The following DIRAS1 variants were observed in gnomAD, a reference collection of about 807,000 sequenced individuals.
DIRAS1 encodes DIRAS family GTPase 1.
In DIRAS1, 3 loss-of-function variants were observed where a neutral mutation model predicts 11.5. The ratio of observed to expected loss-of-function variants is 0.26; its 90% CI spans 0.12 to 0.67. DIRAS1 has a LOEUF of 0.67. DIRAS1 is among the 30% of genes least tolerant of loss of function. The pLI is 0.80. For missense variants in DIRAS1, 212 were observed against 285.3 expected (o/e 0.74, Z 1.85); for synonymous variants, 128 against 125.8 (o/e 1.02, Z -0.12).
chr19:2,716,758 C>T lies in DIRAS1; in HGVS notation c.*452G>A, dbSNP rs372098188. On this transcript the variant is annotated 3_prime_UTR_variant, in exon 2 of 2. Coordinates refer to ENST00000323469, the MANE Select transcript of DIRAS1 (RefSeq NM_145173.4). The stretch of plus-strand genomic sequence containing the variant: ...GAAAAAAGAAAAAAATATCTGAGGC[C>T]GATGTGCATTTTCAACTCCCCCCTC... 988 of 172,424 alleles carry T rather than the reference C, an allele frequency of 5.7e-3. 12 individuals carry two copies. The highest frequency in any genetic ancestry group is 0.021 in the African/African-American group (874 of 42,070). 10.7% of individuals were successfully genotyped at this position (172,424 alleles called of 1,614,324 possible). A position where few individuals can be genotyped will look rare whatever the true frequency, so the allele number is the denominator to read the frequency against.
rs1913796619 is a variant in DIRAS1 at position 2,716,410 on chromosome 19, T to C, written c.*800A>G. 1.3e-5 allele frequency: 2 copies of C among 152,410 alleles called. No homozygotes were observed. The highest frequency in any genetic ancestry group is 1.5e-5 in the Non-Finnish European group (1 of 68,070). The allele number at this position is 152,410 out of a possible 1,614,324, so 9.4% of individuals were successfully genotyped here. ...GAGCACCCCAGGTCCCCACCCGCCA[T>C]GCGTTGCTAACGTCTCTGTCTTGGT... On this transcript the variant is annotated 3_prime_UTR_variant, in exon 2 of 2. Coordinates refer to ENST00000323469, the MANE Select transcript of DIRAS1 (RefSeq NM_145173.4).
intron 1 of DIRAS1, 87 bp from the exon 2 acceptor site, chr19:2,717,962 G>A: frequency 3.9e-6 from 3 of 768,798 alleles, no homozygotes; most frequent in Non-Finnish European, 6.1e-6. Context: ...GGACATGGCG[G>A]CTTCTCAGAG....
chr19:2,720,957 G>T (rs1263946135), intron 1 of DIRAS1, among the ~76,000 whole-genome samples: 1 of 151,420 alleles, frequency 6.6e-6, no homozygotes, highest in African/African-American at 2.4e-5. Flanking sequence ...GGGCAGCGGG[G>T]CGGAGGGCGA....
rs953586398 is a variant in DIRAS1, at chr19:2,715,220, C to T, written c.*1990G>A. ...GAGCAATCTGTTACCTACATAGTCC[C>T]ACCTGGCCACATGACTACAGAGACA... On this transcript the variant is annotated 3_prime_UTR_variant, in exon 2 of 2. Transcript: ENST00000323469. The T allele has an allele frequency of 6.6e-6, 1 of 152,228 alleles. No individual in the cohort carries two copies. Among genetic ancestry groups the T allele is most frequent in the Admixed American group, 6.5e-5 (1 of 15,286 alleles). The allele number at this position is 152,228 out of a possible 1,614,324, so 9.4% of individuals were successfully genotyped here. A position where few individuals can be genotyped will look rare whatever the true frequency, so the allele number is the denominator to read the frequency against.
In DIRAS1 at chr19:2,715,899, T is replaced by A. The variant is rs900582158; in HGVS notation, c.*1311A>T. The A allele has an allele frequency of 2.0e-5, 3 of 152,068 alleles. No individual in the cohort carries two copies. Among genetic ancestry groups the A allele is most frequent in the African/African-American group, 7.3e-5 (3 of 41,372 alleles). The allele number at this position is 152,068 out of a possible 1,614,324, so 9.4% of individuals were successfully genotyped here. A position where few individuals can be genotyped will look rare whatever the true frequency, so the allele number is the denominator to read the frequency against. ...GATTCACACAGACACCTCACACATATCCAGTCTTGCTGACAACCACACACA... is the reference window on the plus strand; with the variant it reads ...GATTCACACAGACACCTCACACATAACCAGTCTTGCTGACAACCACACACA... On this transcript the variant is annotated 3_prime_UTR_variant, in exon 2 of 2. Transcript: ENST00000323469.
intron 1 of DIRAS1, chr19:2,719,171 G>A (rs1420690263): frequency 1.3e-5 from 2 of 152,194 alleles, no homozygotes; most frequent in Non-Finnish European, 2.9e-5. Context: ...ATGGGATCCT[G>A]AGGCTGGGAA....
rs1244248631 is a variant in DIRAS1 at position 2,717,567 on chromosome 19, G to A, written c.240C>T (p.His80=). The change falls in exon 2 of 2, where the codon CAC becomes CAT. Residue 80 remains histidine, a synonymous_variant. Coordinates refer to ENST00000323469, the MANE Select transcript of DIRAS1 (RefSeq NM_145173.4). The stretch of plus-strand genomic sequence containing the variant: ...TGACGGAGAACACCAGGATGAAGGC[G>A]TGGCCCTTGGAGATGGACAGGCGCT... ...AMQRLSISKG[H]AFILVFSVTS... 7 of 1,613,046 alleles carry A rather than the reference G, an allele frequency of 4.3e-6. No individual in the cohort carries two copies. The highest frequency in any genetic ancestry group is 2.2e-5 in the East Asian group (1 of 44,874).
At position 2,717,199 on chromosome 19, in the gene DIRAS1, G is replaced by A; in HGVS notation, c.*11C>T. On this transcript the variant is annotated 3_prime_UTR_variant, in exon 2 of 2. Transcript: ENST00000323469. ...GTGGGGGTGGGCGGCGGGCAGGCGGGCGTTCCGGGCTCACATGAGGGTGCA... is the reference window on the plus strand; with the variant it reads ...GTGGGGGTGGGCGGCGGGCAGGCGGACGTTCCGGGCTCACATGAGGGTGCA... 6.4e-7 allele frequency: 1 copy of A among 1,564,368 alleles called. No individual in the cohort carries two copies. Among genetic ancestry groups the A allele is most frequent in the Non-Finnish European group, 8.7e-7 (1 of 1,152,578 alleles).
chr19:2,720,709 G>C (rs1913932519), intron 1 of DIRAS1, among the ~76,000 whole-genome samples: 1 of 152,156 alleles, frequency 6.6e-6, no homozygotes, highest in African/African-American at 2.4e-5. Flanking sequence ...AAAGCAGAGA[G>C]AGCCGCGACC....
At position 2,718,715 on chromosome 19, in the gene DIRAS1, G is replaced by A. The variant is rs1034722161; in HGVS notation, c.-69-840C>T. 4.6e-5 allele frequency among the ~76,000 whole-genome samples: 7 copies of A among 152,074 alleles called. No homozygotes were observed. The highest frequency in any genetic ancestry group is 1.0e-4 in the Non-Finnish European group (7 of 68,026). ...TAATTTTATATTTTTAGTAGAGGCA[G>A]GGTTTCTCCATGTTGGTCAGGCAGG... On this transcript the variant is annotated intron_variant, in intron 1 of 1. Transcript: ENST00000323469. The surrounding 1 kb of genome is among the most constrained non-coding windows in gnomAD (Gnocchi z 4.2).
intron 1 of DIRAS1, among the ~76,000 whole-genome samples, chr19:2,720,869 C>T (rs757675748): frequency 3.9e-4 from 59 of 151,976 alleles, no homozygotes; most frequent in Non-Finnish European, 5.2e-4. Flanking sequence ...CCAGGGGCGA[C>T]CCTTGACTCA....
At chr19:2,720,184 G>A (rs1217461608) in intron 1 of DIRAS1, among the ~76,000 whole-genome samples, 3 of 152,156 alleles carry the variant, frequency 2.0e-5, no homozygotes, top group African/African-American at 2.4e-5. Context: ...TTTCCTGGGT[G>A]GGCGCCCTGA....
At chr19:2,720,757 G>A (rs1913934354) in intron 1 of DIRAS1, among the ~76,000 whole-genome samples, 1 of 152,172 alleles carries the variant, frequency 6.6e-6, no homozygotes, top group African/African-American at 2.4e-5. Flanking sequence ...CCAAGGGTGG[G>A]GCGGGGGTCT....
intron 1 of DIRAS1, among the ~76,000 whole-genome samples, chr19:2,719,847 A>G (rs1369897209): frequency 6.6e-6 from 1 of 152,200 alleles, no homozygotes; most frequent in Non-Finnish European, 1.5e-5. Context: ...TGTACAGCGG[A>G]GACCCCGATC....
At chr19:2,720,826 C>T (rs2144684706) in intron 1 of DIRAS1, among the ~76,000 whole-genome samples, 1 of 152,088 alleles carries the variant, frequency 6.6e-6, no homozygotes, top group South Asian at 2.1e-4. Context: ...CTCTAGGGGG[C>T]CCGAGGGCGC....
Position 2,715,114 on chromosome 19 carries a change from AGT to A in DIRAS1, c.*2094_*2095del, listed in dbSNP as rs1913754133. 6.6e-6 allele frequency: 1 copy of A among 152,202 alleles called. No individual in the cohort carries two copies. The highest frequency in any genetic ancestry group is 1.5e-5 in the Non-Finnish European group (1 of 68,028). The allele number at this position is 152,202 out of a possible 1,614,324, so 9.4% of individuals were successfully genotyped here. The stretch of plus-strand genomic sequence containing the variant: ...CACGTGTGCACACTCCCTCTCTCTG[AGT>A]GTGTCCAATAAACATTTGTTGAGTA... On this transcript the variant is annotated 3_prime_UTR_variant, in exon 2 of 2. Transcript: ENST00000323469.
At position 2,716,423 on chromosome 19, in the gene DIRAS1, T is replaced by TC. The variant is rs1491025326; in HGVS notation, c.*786dup. On this transcript the variant is annotated 3_prime_UTR_variant, in exon 2 of 2. Transcript: ENST00000323469. ...CCCCACCCGCCATGCGTTGCTAACG[T>TC]CTCTGTCTTGGTGGAAGAGGCGGGT... 6.6e-6 allele frequency: 1 copy of TC among 152,398 alleles called. No individual in the cohort carries two copies. The highest frequency in any genetic ancestry group is 2.4e-5 in the African/African-American group (1 of 41,426). 9.4% of individuals were successfully genotyped at this position (152,398 alleles called of 1,614,324 possible).
chr19:2,717,944 A>T, intron 1 of DIRAS1, 69 bp from the exon 2 acceptor site: 1 of 887,920 alleles, frequency 1.1e-6, no homozygotes, highest in East Asian at 2.7e-5. Context: ...CGCCCCGGGG[A>T]GGGAGGAGGA....
At chr19:2,720,691 G>C (rs900751091) in intron 1 of DIRAS1, among the ~76,000 whole-genome samples, 5 of 152,204 alleles carry the variant, frequency 3.3e-5, no homozygotes, top group African/African-American at 1.2e-4. Context: ...GCAAAGCTCA[G>C]GGTCAGGAAA....
Sources: gnomAD v4.1 joint callset for allele counts (sites outside exome capture counted in the v4.1 genomes callset) on GRCh38, gnomAD v4.1.1 for gene constraint, Gnocchi (gnomAD v3.1) non-coding constraint, MANE v1.5 for transcripts, NCBI Gene and HGNC (gene_info 2026-07-23, HGNC 2026-07-21) for gene names.